CENPC: variants seen among roughly 807,000 people sequenced by gnomAD.
CENPC encodes the protein CENP-C 1.
A neutral mutation model predicts 112.1 loss-of-function variants in CENPC; 63 were observed. The ratio of observed to expected loss-of-function variants is 0.56; its 90% CI spans 0.46 to 0.69. The LOEUF (loss-of-function observed/expected upper bound fraction) is 0.69. Ranked by LOEUF, CENPC falls within the 30% of genes least tolerant of loss-of-function variation. CENPC has a pLI of 0.00. For missense variants in CENPC, 1,000 were observed against 1,103.8 expected (o/e 0.91, Z 1.33); for synonymous variants, 333 against 367.6 (o/e 0.91, Z 1.08).
intron 7 of CENPC, among the ~76,000 whole-genome samples, chr4:67,516,284 T>G (rs1195166582): frequency 6.6e-6 from 1 of 151,964 alleles, no homozygotes; most frequent in Non-Finnish European, 1.5e-5. Context: ...TTTCCCTGAT[T>G]GTTTTAATAG....
chr4:67,511,655 T>G (rs756246823), intron 9 of CENPC, among the ~76,000 whole-genome samples: 2 of 152,182 alleles, frequency 1.3e-5, no homozygotes, highest in Non-Finnish European at 2.9e-5. Context: ...ATTGCCTTCC[T>G]TCAGGGAGTC....
chr4:67,513,626 T>C (rs887946417), intron 8 of CENPC, among the ~76,000 whole-genome samples: 3 of 152,136 alleles, frequency 2.0e-5, no homozygotes, highest in Non-Finnish European at 2.9e-5. Flanking sequence ...GTAGAAATAA[T>C]GGGTTAGTAA....
intron 11 of CENPC, among the ~76,000 whole-genome samples, chr4:67,506,023 CTCTT>C (rs1212156456): frequency 2.6e-5 from 4 of 152,290 alleles, no homozygotes; most frequent in African/African-American, 9.6e-5. Flanking sequence ...AGTCCTAAAT[CTCTT>C]TCTACCTATT....
At chr4:67,484,832 G>A (rs1846060) in intron 17 of CENPC, among the ~76,000 whole-genome samples, 95,156 of 151,988 alleles carry the variant, frequency 0.63, 30,019 homozygotes, top group East Asian at 0.81. Context: ...AGTGGCTCAC[G>A]CCTGTAATCC....
At chr4:67,533,374 T>C (rs1726618398) in intron 4 of CENPC, among the ~76,000 whole-genome samples, 1 of 152,174 alleles carries the variant, frequency 6.6e-6, no homozygotes, top group Admixed American at 6.5e-5. Context: ...TTAAACCTCC[T>C]TTTCTTCCCA....
chr4:67,490,873 T>G (rs879604004), intron 16 of CENPC, among the ~76,000 whole-genome samples: 4 of 54,580 alleles, frequency 7.3e-5, no homozygotes, highest in South Asian at 3.9e-4. Context: ...TATATATATA[T>G]ATATAGAAAT....
At chr4:67,515,493 G>C (rs1217343200) in intron 7 of CENPC, among the ~76,000 whole-genome samples, 1 of 151,548 alleles carries the variant, frequency 6.6e-6, no homozygotes, top group Non-Finnish European at 1.5e-5. Flanking sequence ...GAGAGAGAGA[G>C]AGAGATTGGG....
At chr4:67,502,716 T>C (rs763024767) in intron 12 of CENPC, among the ~76,000 whole-genome samples, 13 of 152,158 alleles carry the variant, frequency 8.5e-5, no homozygotes, top group Non-Finnish European at 1.6e-4. Flanking sequence ...ATCCTGTTCT[T>C]TTCCTCAAAA....
intron 4 of CENPC, among the ~76,000 whole-genome samples, chr4:67,532,342 T>C (rs1726578765): frequency 6.6e-6 from 1 of 152,168 alleles, no homozygotes; most frequent in Non-Finnish European, 1.5e-5. Flanking sequence ...AGTGTGGCAA[T>C]TGCTCAGGGA....
chr4:67,501,940 T>TA (rs1281148610), intron 12 of CENPC, among the ~76,000 whole-genome samples: 2 of 25,226 alleles, frequency 7.9e-5, no homozygotes, highest in Non-Finnish European at 2.3e-4. Flanking sequence ...CAAAATAAAT[T>TA]ATTTTTTAAG....
At chr4:67,529,477 C>G (rs1726481136) in intron 5 of CENPC, among the ~76,000 whole-genome samples, 2 of 152,094 alleles carry the variant, frequency 1.3e-5, no homozygotes, top group Admixed American at 1.3e-4. Context: ...AGGTACTTGC[C>G]ACCACGCCTG....
intron 17 of CENPC, among the ~76,000 whole-genome samples, chr4:67,477,513 A>G (rs1724838242): frequency 6.6e-6 from 1 of 152,318 alleles, no homozygotes; most frequent in African/African-American, 2.4e-5. Flanking sequence ...GGAGAGCACC[A>G]CATCAAGGGA....
intron 7 of CENPC, among the ~76,000 whole-genome samples, chr4:67,516,963 A>G (rs1726074861): frequency 6.6e-6 from 1 of 152,014 alleles, no homozygotes; most frequent in Non-Finnish European, 1.5e-5. Flanking sequence ...TACTCACTAG[A>G]GTATCAAAAA....
chr4:67,518,291 G>A lies in CENPC; in HGVS notation c.695C>T (p.Ser232Leu), dbSNP rs1259722260. The A allele has an allele frequency of 2.6e-6, 4 of 1,552,152 alleles. No individual in the cohort carries two copies. Among genetic ancestry groups the A allele is most frequent in the South Asian group, 1.2e-5 (1 of 83,382 alleles). Reference sequence around the variant, plus strand: ...TGATGGTTTTCTTTCTTGTCCTTCCGATGTTTTATCCTCTTCATCTGATAC... The same window carrying A: ...TGATGGTTTTCTTTCTTGTCCTTCCAATGTTTTATCCTCTTCATCTGATAC... ...NKVSDEEDKTSEGQERKPSGS... is the reference protein window; with the variant it reads ...NKVSDEEDKTLEGQERKPSGS... The change falls in exon 7 of 19, where the codon TCG becomes TTG. Residue 232 changes from serine to leucine, a missense_variant. Ser to Leu is a moderately radical substitution (Grantham distance 145). Coordinates refer to ENST00000273853, the MANE Select transcript of CENPC (RefSeq NM_001812.4).
At chr4:67,499,269 A>C (rs1725525178) in intron 12 of CENPC, among the ~76,000 whole-genome samples, 1 of 152,224 alleles carries the variant, frequency 6.6e-6, no homozygotes, top group Non-Finnish European at 1.5e-5. Context: ...GAAGCTTTGA[A>C]GTCATGCATT....
Position 67,536,288 on chromosome 4 carries a change from T to C in CENPC, c.231+3552A>G, listed in dbSNP as rs138091486. Among the ~76,000 whole-genome samples, 895 of 152,204 alleles carry C rather than the reference T, an allele frequency of 5.9e-3. 24 individuals are homozygous for C. Among genetic ancestry groups the C allele is most frequent in the Admixed American group, 0.046 (709 of 15,288 alleles). On this transcript the variant is annotated intron_variant, in intron 4 of 18. Transcript: ENST00000273853. ...GGCAAAAGAAATATAAAAAATGCAA[T>C]AGATCATTGAATAAAGTGGTAATCA...
At chr4:67,531,211 T>C (rs1166492362) in intron 4 of CENPC, among the ~76,000 whole-genome samples, 2 of 152,044 alleles carry the variant, frequency 1.3e-5, no homozygotes, top group East Asian at 1.9e-4. Flanking sequence ...AATTATAGTA[T>C]AGATATACCA....
chr4:67,521,178 C>T (rs1280901779), intron 5 of CENPC, among the ~76,000 whole-genome samples: 1 of 142,946 alleles, frequency 7.0e-6, no homozygotes, highest in Non-Finnish European at 1.5e-5. Flanking sequence ...ATCAAAACAA[C>T]TCGTCATACC....
At chr4:67,508,513 TAAAAAAAAA>T (rs34160703) in intron 10 of CENPC, among the ~76,000 whole-genome samples, 5 of 91,156 alleles carry the variant, frequency 5.5e-5, no homozygotes, top group African/African-American at 1.3e-4. Flanking sequence ...CTCTGTCTCT[TAAAAAAAAA>T]AAAAAAAAAA....
Sources: gnomAD v4.1 joint callset for allele counts (sites outside exome capture counted in the v4.1 genomes callset) on GRCh38, gnomAD v4.1.1 for gene constraint, MANE v1.5 for transcripts, NCBI Gene and HGNC (gene_info 2026-07-23, HGNC 2026-07-21) for gene names.